The following MARCHF3 variants were observed in gnomAD, a reference collection of about 807,000 sequenced individuals.
The protein encoded by MARCHF3 is membrane associated ring-CH-type finger 3.
MARCHF3 carries 13 observed loss-of-function variants against 24.2 expected under a neutral mutation model. The observed-to-expected ratio is 0.54, with a 90% confidence interval of 0.35 to 0.85. The LOEUF (loss-of-function observed/expected upper bound fraction) is 0.85, where lower values mean the gene tolerates loss of function less well. Among genes scored for constraint, MARCHF3 ranks in the 40% least tolerant of loss-of-function variants. The pLI, the probability that MARCHF3 is intolerant of heterozygous loss-of-function variation, is 0.01. For missense variants in MARCHF3, 276 were observed against 325.0 expected, an observed-to-expected ratio of 0.85 and a Z score of 1.16; for synonymous variants, 144 against 137.3, an observed-to-expected ratio of 1.05 and a Z score of -0.34.
rs201934036 is a variant in MARCHF3, at chr5:127,023,425, A to AT, written c.-57+6924dup. Among the ~76,000 whole-genome samples, 3 of 152,102 alleles carry AT rather than the reference A, an allele frequency of 2.0e-5. No individual in the cohort carries two copies. The South Asian group carries it at 6.2e-4, about 32-fold the overall frequency. ...TATAAAATAAAAAATTGCTGGAATT[A>AT]TTTTTTTTAAAAAGTTTCCCTCAGG... On this transcript the variant is annotated intron_variant, in intron 1 of 4. Transcript: ENST00000308660.
chr5:126,941,890 A>AT (rs1749841061), intron 1 of MARCHF3, among the ~76,000 whole-genome samples: 1 of 152,200 alleles, frequency 6.6e-6, no homozygotes, highest in Non-Finnish European at 1.5e-5. Flanking sequence ...TCTAAGAGGA[A>AT]TGAATGGTTC....
At chr5:127,015,616 C>T (rs6883871) in intron 1 of MARCHF3, among the ~76,000 whole-genome samples, 69,581 of 152,038 alleles carry the variant, frequency 0.46, 16,480 homozygotes, top group East Asian at 0.67. Context: ...TCTGTCAACC[C>T]CTTCCAAACT....
At chr5:126,952,752 C>G (rs575017124) in intron 1 of MARCHF3, among the ~76,000 whole-genome samples, 6 of 152,242 alleles carry the variant, frequency 3.9e-5, no homozygotes, top group African/African-American at 1.2e-4. Context: ...GTTGGGGAAA[C>G]TGGCCCTATT....
In MARCHF3 at chr5:126,938,613, TCA is replaced by T. The variant is rs984240783; in HGVS notation, c.-56-20388_-56-20387del. On this transcript the variant is annotated intron_variant, in intron 1 of 4. Coordinates refer to ENST00000308660, the MANE Select transcript of MARCHF3 (RefSeq NM_178450.5). The stretch of plus-strand genomic sequence containing the variant: ...CCAAATCCTTAGTATTTCCCAAGTC[TCA>T]CACTGTGGATACAATTTCTCTTCAT... 3.2e-4 allele frequency among the ~76,000 whole-genome samples: 49 copies of T among 152,208 alleles called. 1 individual carries two copies. Among genetic ancestry groups the T allele is most frequent in the African/African-American group, 1.1e-3 (45 of 41,540 alleles).
chr5:126,978,099 G>A (rs1751264834), intron 1 of MARCHF3, among the ~76,000 whole-genome samples: 1 of 152,206 alleles, frequency 6.6e-6, no homozygotes, highest in South Asian at 2.1e-4. Flanking sequence ...TTTGGCAGTT[G>A]AGTATTGTAT....
At chr5:126,894,013 CTTG>C (rs1480980882) in intron 3 of MARCHF3, among the ~76,000 whole-genome samples, 2 of 136,424 alleles carry the variant, frequency 1.5e-5, no homozygotes, top group Non-Finnish European at 1.5e-5. Flanking sequence ...GTTAGCTCTT[CTTG>C]TTGAATTGAT....
chr5:127,004,586 CCT>C (rs1455271971), intron 1 of MARCHF3, among the ~76,000 whole-genome samples: 1 of 151,994 alleles, frequency 6.6e-6, no homozygotes, highest in African/African-American at 2.4e-5. Context: ...TTTATTATTC[CCT>C]GTTTTCTTCT....
At chr5:127,026,601 C>T (rs1421248799) in intron 1 of MARCHF3, among the ~76,000 whole-genome samples, 4 of 152,160 alleles carry the variant, frequency 2.6e-5, no homozygotes, top group African/African-American at 7.2e-5. Flanking sequence ...ATGATATGAA[C>T]GACTAAGCAT....
chr5:126,954,263 A>T (rs982940103), intron 1 of MARCHF3, among the ~76,000 whole-genome samples: 6 of 139,448 alleles, frequency 4.3e-5, no homozygotes, highest in Non-Finnish European at 1.5e-5. Flanking sequence ...GTTAGCCAGG[A>T]TGGTCTTGAT....
chr5:126,965,187 C>A (rs1190205252), intron 1 of MARCHF3, among the ~76,000 whole-genome samples: 1 of 152,026 alleles, frequency 6.6e-6, no homozygotes, highest in African/African-American at 2.4e-5. Context: ...GTCTTCATAA[C>A]AATCATATGA....
Position 126,910,433 on chromosome 5 carries a change from T to C in MARCHF3, c.393+4497A>G, listed in dbSNP as rs956219682. 2.0e-5 allele frequency among the ~76,000 whole-genome samples: 3 copies of C among 152,222 alleles called. No homozygotes were observed. In the East Asian group the frequency reaches 5.8e-4, roughly 29 times the overall value. ...TTTTAGGGGAACAAGTCATGGTATT[T>C]TTATGTGTTACCTCTGCTCCTCCTT... On this transcript the variant is annotated intron_variant, in intron 3 of 4. Transcript: ENST00000308660.
chr5:126,989,747 C>T (rs1222069233), intron 1 of MARCHF3, among the ~76,000 whole-genome samples: 3 of 152,156 alleles, frequency 2.0e-5, no homozygotes, highest in Non-Finnish European at 4.4e-5. Flanking sequence ...TACAGCACAT[C>T]AATTATAATT....
chr5:126,989,756 T>G (rs1029062596), intron 1 of MARCHF3, among the ~76,000 whole-genome samples: 4 of 152,194 alleles, frequency 2.6e-5, no homozygotes, highest in Non-Finnish European at 5.9e-5. Flanking sequence ...TCAATTATAA[T>G]TATGAACAGT....
Position 126,893,251 on chromosome 5 carries a change from C to T in MARCHF3, c.394-14857G>A, listed in dbSNP as rs549564303. ...CTTTCAAAAAACCAGCTCCTGGATTCGTTAATTTTTTGAAGGGTTTTTTGT... is the reference window on the plus strand; with the variant it reads ...CTTTCAAAAAACCAGCTCCTGGATTTGTTAATTTTTTGAAGGGTTTTTTGT... On this transcript the variant is annotated intron_variant, in intron 3 of 4. Coordinates refer to ENST00000308660, the MANE Select transcript of MARCHF3 (RefSeq NM_178450.5). 2.0e-5 allele frequency among the ~76,000 whole-genome samples: 3 copies of T among 151,786 alleles called. No homozygotes were observed. In the South Asian group the frequency reaches 6.3e-4, roughly 32 times the overall value.
chr5:126,900,425 C>T (rs1220552205), intron 3 of MARCHF3, among the ~76,000 whole-genome samples: 1 of 151,968 alleles, frequency 6.6e-6, no homozygotes, highest in Non-Finnish European at 1.5e-5. Context: ...TGTGCCCTTA[C>T]AAAAGAGACT....
chr5:126,874,841 G>A (rs1405201941), intron 4 of MARCHF3, among the ~76,000 whole-genome samples: 2 of 151,870 alleles, frequency 1.3e-5, no homozygotes, highest in African/African-American at 4.8e-5. Context: ...TGTGGGGGAT[G>A]TGTCTAAAGC....
At chr5:126,873,280 G>A (rs1753034412) in intron 4 of MARCHF3, among the ~76,000 whole-genome samples, 1 of 152,084 alleles carries the variant, frequency 6.6e-6, no homozygotes, top group South Asian at 2.1e-4. Flanking sequence ...GATATTTGAT[G>A]TAATGCATAT....
chr5:126,971,796 ACT>A (rs1218052430), intron 1 of MARCHF3, among the ~76,000 whole-genome samples: 1 of 152,222 alleles, frequency 6.6e-6, no homozygotes, highest in Non-Finnish European at 1.5e-5. Flanking sequence ...GAAGTTTGAC[ACT>A]GTTATTCCTC....
chr5:126,914,558 C>T (rs1754650467), intron 3 of MARCHF3: 1 of 314,922 alleles, frequency 3.2e-6, no homozygotes, highest in East Asian at 5.4e-5. Flanking sequence ...CATTTATCTC[C>T]TGCTTCAAGT....
Sources: gnomAD v4.1 joint callset for allele counts (sites outside exome capture counted in the v4.1 genomes callset) on GRCh38, gnomAD v4.1.1 for gene constraint, MANE v1.5 for transcripts, NCBI Gene and HGNC (gene_info 2026-07-23, HGNC 2026-07-21) for gene names.